TENM1: variants seen among roughly 807,000 people sequenced by gnomAD.
TENM1 encodes teneurin-1.
Under a neutral mutation model 174.8 loss-of-function variants are expected in TENM1, and 35 were observed. The observed-to-expected ratio is 0.20, with a 90% CI of 0.15 to 0.27. TENM1 has a LOEUF of 0.27. Among genes scored for constraint, TENM1 ranks in the 10% least tolerant of loss-of-function variants. The probability of loss-of-function intolerance (pLI) is 1.00; values close to 1 mark genes in which losing one functional copy is unlikely to be tolerated. For missense variants in TENM1, 1,633 were observed against 2,130.1 expected (o/e 0.77, Z 4.59); for synonymous variants, 781 against 798.7 (o/e 0.98, Z 0.37).
At chrX:124,480,982 A>G (rs2046830100) in intron 22 of TENM1, among the ~76,000 whole-genome samples, 1 of 111,514 alleles carries the variant, frequency 9.0e-6, no homozygotes, top group Non-Finnish European at 1.9e-5. Context: ...TGATCCAGAA[A>G]ATCCAGAAGT....
the TENM1 span, among the ~76,000 whole-genome samples, chrX:125,071,910 T>C: frequency 9.0e-6 from 1 of 111,139 alleles, no homozygotes; most frequent in African/African-American, 3.3e-5. Context: ...ATAATGCATA[T>C]GGTACTATTT....
chrX:125,012,929 C>G, the TENM1 span, among the ~76,000 whole-genome samples: 1 of 111,915 alleles, frequency 8.9e-6, no homozygotes, highest in African/African-American at 3.2e-5. Flanking sequence ...AGGTTGTCAA[C>G]TATCTGATTT....
At chrX:125,128,868 G>A in the TENM1 span, among the ~76,000 whole-genome samples, 55 of 111,830 alleles carry the variant, frequency 4.9e-4, no homozygotes, top group African/African-American at 1.6e-3. Flanking sequence ...GATGCTGTTG[G>A]TGTTGGTTAT....
intron 28 of TENM1, among the ~76,000 whole-genome samples, chrX:124,387,516 T>C (rs1487817556): frequency 8.9e-6 from 1 of 112,461 alleles, no homozygotes. Context: ...TTCAAGTTTG[T>C]GTTATGAAAA....
At chrX:125,047,622 C>A in the TENM1 span, among the ~76,000 whole-genome samples, 1,566 of 111,045 alleles carry the variant, frequency 0.014, 34 homozygotes, top group African/African-American at 0.048. Flanking sequence ...TCATGGAACA[C>A]GGCTCCTAGA....
chrX:124,478,099 G>A (rs746353397), intron 22 of TENM1, among the ~76,000 whole-genome samples: 2 of 112,290 alleles, frequency 1.8e-5, no homozygotes, highest in South Asian at 7.5e-4. Flanking sequence ...AGAGCTGAAA[G>A]GGAGATCATC....
chrX:125,016,038 T>G, the TENM1 span, among the ~76,000 whole-genome samples: 6 of 111,511 alleles, frequency 5.4e-5, 1 homozygote, highest in Non-Finnish European at 9.4e-5. Context: ...ATTTGAGCTT[T>G]ACAAATAGCT....
the TENM1 span, among the ~76,000 whole-genome samples, chrX:125,065,036 G>A: frequency 8.9e-6 from 1 of 112,203 alleles, no homozygotes; most frequent in Non-Finnish European, 1.9e-5. Context: ...GAAAACAAGT[G>A]GGATCAAGAT....
At chrX:124,799,476 A>G (rs1173045681) in intron 3 of TENM1, among the ~76,000 whole-genome samples, 1 of 110,679 alleles carries the variant, frequency 9.0e-6, no homozygotes, top group East Asian at 2.8e-4. Flanking sequence ...GAGTTTATTC[A>G]TGATTTGACT....
intron 19 of TENM1, among the ~76,000 whole-genome samples, chrX:124,498,734 G>T (rs1319867318): frequency 1.8e-5 from 2 of 109,405 alleles, no homozygotes; most frequent in East Asian, 2.9e-4. Flanking sequence ...CCCATAGTTT[G>T]TTTTCCATAG....
intron 1 of TENM1, among the ~76,000 whole-genome samples, chrX:124,915,702 AATG>A (rs2057911134): frequency 8.9e-6 from 1 of 112,163 alleles, no homozygotes; most frequent in Non-Finnish European, 1.9e-5. Flanking sequence ...CACCATAAAG[AATG>A]ATGATTCCAT....
At chrX:124,497,504 G>A (rs1052012281) in intron 19 of TENM1, among the ~76,000 whole-genome samples, 1 of 110,878 alleles carries the variant, frequency 9.0e-6, no homozygotes, top group African/African-American at 3.3e-5. Context: ...AATACAACCA[G>A]TCCTTGTAAT....
chrX:124,664,679 GGTGTGTGTGT>G (rs576286188), intron 6 of TENM1, among the ~76,000 whole-genome samples: 950 of 86,957 alleles, frequency 0.011, 6 homozygotes, highest in African/African-American at 0.038. Flanking sequence ...GTACTTGTGG[GGTGTGTGTGT>G]GTGTGTGTGT....
chrX:124,416,457 A>G (rs979049626), intron 25 of TENM1, among the ~76,000 whole-genome samples: 1 of 112,140 alleles, frequency 8.9e-6, no homozygotes, highest in South Asian at 3.7e-4. Context: ...CTATTTCATG[A>G]CATGGATATA....
chrX:124,982,469 G>A, the TENM1 span, among the ~76,000 whole-genome samples: 587 of 111,253 alleles, frequency 5.3e-3, 10 homozygotes, highest in Non-Finnish European at 8.1e-3. Context: ...CTCTTATCCA[G>A]CAGGGAAGGG....
intron 1 of TENM1, among the ~76,000 whole-genome samples, chrX:124,943,208 C>A (rs1166546722): frequency 5.4e-5 from 6 of 110,770 alleles, no homozygotes; most frequent in African/African-American, 2.0e-4. Context: ...GAGTTTTGAC[C>A]CAGTGATATG....
At chrX:124,775,461 C>T (rs1041256876) in intron 3 of TENM1, among the ~76,000 whole-genome samples, 1 of 111,845 alleles carries the variant, frequency 8.9e-6, no homozygotes, top group African/African-American at 3.3e-5. Flanking sequence ...CATAATATTT[C>T]ATTCTTCTTT....
chrX:124,497,690 C>T (rs1256278232), intron 19 of TENM1, among the ~76,000 whole-genome samples: 7 of 111,475 alleles, frequency 6.3e-5, no homozygotes, highest in South Asian at 7.7e-4. Context: ...GTTCCTGAAA[C>T]GAGAATATCG....
At chrX:124,653,666 T>A (rs994614566) in exon 7 of TENM1, 1 of 1,210,562 alleles carries the variant, frequency 8.3e-7, no homozygotes. Flanking sequence ...GAACTTCAGA[T>A]ATATTGGATG....
Sources: allele counts gnomAD v4.1 joint callset (sites outside exome capture counted in the v4.1 genomes callset), GRCh38; gene constraint gnomAD v4.1.1; transcripts MANE v1.5; gene names NCBI Gene and HGNC (gene_info 2026-07-23, HGNC 2026-07-21).